Variants in ROBO1 observed in about 807,000 individuals in gnomAD.
ROBO1 encodes the protein roundabout homolog 1.
ROBO1 carries 149 observed loss-of-function variants against 195.9 expected under a neutral mutation model. That is an observed-to-expected ratio of 0.76 (90% CI 0.67 to 0.87). ROBO1 has a LOEUF of 0.87. ROBO1 is among the 40% of genes least tolerant of loss of function. The pLI is 0.00. For synonymous variants in ROBO1, 816 were observed against 733.2 expected (o/e 1.11, Z -1.82); for missense variants, 1,933 against 2,068.3 (o/e 0.93, Z 1.27).
intron 2 of ROBO1, among the ~76,000 whole-genome samples, chr3:79,178,097 T>C (rs1402857635): frequency 6.6e-6 from 1 of 152,188 alleles, no homozygotes; most frequent in Non-Finnish European, 1.5e-5. Context: ...AATTTGACTT[T>C]AGTTGCCTGC....
chr3:79,469,846 T>TA (rs374531721), intron 2 of ROBO1, among the ~76,000 whole-genome samples: 3 of 150,978 alleles, frequency 2.0e-5, no homozygotes, highest in Admixed American at 6.6e-5. Flanking sequence ...TTATACAGGT[T>TA]AAAAAAAAAG....
At chr3:78,983,863 T>G (rs2108006471) in intron 3 of ROBO1, among the ~76,000 whole-genome samples, 1 of 152,218 alleles carries the variant, frequency 6.6e-6, no homozygotes, top group Non-Finnish European at 1.5e-5. Flanking sequence ...ATAGGTTTAT[T>G]GAAAGTGAGG....
intron 2 of ROBO1, among the ~76,000 whole-genome samples, chr3:79,533,543 G>A (rs1367242943): frequency 6.6e-6 from 1 of 152,066 alleles, no homozygotes; most frequent in East Asian, 1.9e-4. Flanking sequence ...TTGGAAATGT[G>A]ATACTTTTGT....
chr3:78,625,762 T>C lies in ROBO1; in HGVS notation c.3875+1559A>G, dbSNP rs184625889. 4.5e-4 allele frequency among the ~76,000 whole-genome samples: 69 copies of C among 152,226 alleles called. 2 individuals carry two copies. The highest frequency in any genetic ancestry group is 2.5e-3 in the Admixed American group (38 of 15,290). On this transcript the variant is annotated intron_variant, in intron 26 of 30. Coordinates refer to ENST00000464233, the MANE Select transcript of ROBO1 (RefSeq NM_002941.4). Reference sequence around the variant, plus strand: ...ACTGAGAAGTCTTTACATTTGACCATTAGGAGGTTACTTTCAATGGACTGA... The same window carrying C: ...ACTGAGAAGTCTTTACATTTGACCACTAGGAGGTTACTTTCAATGGACTGA...
intron 2 of ROBO1, among the ~76,000 whole-genome samples, chr3:79,548,044 T>C (rs1243538817): frequency 6.6e-6 from 1 of 152,176 alleles, no homozygotes; most frequent in Non-Finnish European, 1.5e-5. Context: ...GTGTCGGGTG[T>C]GTGCAGAAAC....
At chr3:79,349,791 G>A (rs1173932770) in intron 2 of ROBO1, among the ~76,000 whole-genome samples, 4 of 152,084 alleles carry the variant, frequency 2.6e-5, no homozygotes, top group East Asian at 1.9e-4. Flanking sequence ...GTTTCACACC[G>A]TGTACAAAAA....
At chr3:78,935,909 T>G (rs1186409112) in intron 4 of ROBO1, among the ~76,000 whole-genome samples, 1 of 152,050 alleles carries the variant, frequency 6.6e-6, no homozygotes, top group African/African-American at 2.4e-5. Flanking sequence ...TCCAATTTTT[T>G]GACTTTATAA....
At chr3:79,210,382 T>C (rs56981736) in intron 2 of ROBO1, among the ~76,000 whole-genome samples, 24,785 of 152,098 alleles carry the variant, frequency 0.16, 3,652 homozygotes, top group African/African-American at 0.4. Flanking sequence ...ACAGCCAACT[T>C]ATCTTCAACA....
chr3:79,095,356 T>G (rs2079548232), intron 3 of ROBO1, among the ~76,000 whole-genome samples: 1 of 152,024 alleles, frequency 6.6e-6, no homozygotes, highest in South Asian at 2.1e-4. Context: ...TTGCTTTATC[T>G]CTCTTGGATT....
chr3:79,043,036 T>C (rs2108339011), intron 3 of ROBO1, among the ~76,000 whole-genome samples: 1 of 152,252 alleles, frequency 6.6e-6, no homozygotes, highest in East Asian at 1.9e-4. Flanking sequence ...TTTTAATGTC[T>C]GCCCTTTTTT....
chr3:79,304,011 C>T (rs576555301), intron 2 of ROBO1, among the ~76,000 whole-genome samples: 50 of 152,250 alleles, frequency 3.3e-4, no homozygotes, highest in Admixed American at 5.9e-4. Flanking sequence ...ACAAATATTT[C>T]TTAATAGCCT....
Position 79,418,630 on chromosome 3 carries a change from G to A in ROBO1, c.88+171194C>T, listed in dbSNP as rs1023821514. Among the ~76,000 whole-genome samples, 10 of 151,998 alleles carry A rather than the reference G, an allele frequency of 6.6e-5. No homozygotes were observed. In the South Asian group the frequency reaches 8.3e-4, roughly 13 times the overall value. ...ACTGTTTATTTAAATTGGGCACCAC[G>A]GTGTAAAACAGGCTACTAGCAGGCA... is the stretch of plus-strand genomic sequence containing the variant. On this transcript the variant is annotated intron_variant, in intron 2 of 30. Coordinates refer to ENST00000464233, the MANE Select transcript of ROBO1 (RefSeq NM_002941.4).
intron 4 of ROBO1, among the ~76,000 whole-genome samples, chr3:78,903,484 A>T (rs1046654230): frequency 2.1e-4 from 12 of 56,122 alleles, no homozygotes; most frequent in Middle Eastern, 7.7e-3. Flanking sequence ...ACTTTTAATA[A>T]AAAAAAAAGT....
intron 1 of ROBO1, among the ~76,000 whole-genome samples, chr3:79,726,913 C>T (rs1702951395): frequency 6.6e-6 from 1 of 152,124 alleles, no homozygotes; most frequent in Non-Finnish European, 1.5e-5. Flanking sequence ...TCAAAGAGCA[C>T]TTTGTGACAC....
intron 2 of ROBO1, among the ~76,000 whole-genome samples, chr3:79,396,138 AT>A (rs1471167320): frequency 1.3e-5 from 2 of 152,154 alleles, no homozygotes; most frequent in Non-Finnish European, 2.9e-5. Flanking sequence ...CAATATTTCT[AT>A]CTGAATGCAG....
At chr3:79,192,253 T>C (rs1049040112) in intron 2 of ROBO1, among the ~76,000 whole-genome samples, 1 of 151,660 alleles carries the variant, frequency 6.6e-6, no homozygotes, top group African/African-American at 2.4e-5. Context: ...TGTTGTTCAC[T>C]AATTAAGTTC....
At chr3:79,590,520 C>A (rs971819484) in intron 1 of ROBO1, among the ~76,000 whole-genome samples, 1 of 151,644 alleles carries the variant, frequency 6.6e-6, no homozygotes, top group African/African-American at 2.4e-5. Flanking sequence ...AAGCTAGTGT[C>A]CTTGTAAAAA....
intron 2 of ROBO1, among the ~76,000 whole-genome samples, chr3:79,364,986 C>T (rs937547858): frequency 2.0e-5 from 3 of 152,188 alleles, no homozygotes; most frequent in African/African-American, 7.2e-5. Context: ...GAAACTTCCA[C>T]TCTGACTGAG....
chr3:79,504,847 G>A (rs1304914028), intron 2 of ROBO1, among the ~76,000 whole-genome samples: 1 of 152,090 alleles, frequency 6.6e-6, no homozygotes. Flanking sequence ...GCATATGTGT[G>A]TGTATCTTTC....
Sources: allele counts gnomAD v4.1 joint callset (sites outside exome capture counted in the v4.1 genomes callset), GRCh38; gene constraint gnomAD v4.1.1; transcripts MANE v1.5; gene names NCBI Gene and HGNC (gene_info 2026-07-23, HGNC 2026-07-21).